Variants in LRCH1 observed in about 807,000 individuals in gnomAD.
The protein encoded by LRCH1 is leucine rich repeats and calponin homology domain containing 1.
In LRCH1, 23 loss-of-function variants were observed where a neutral mutation model predicts 94.9. The ratio of observed to expected loss-of-function variants is 0.24; its 90% CI spans 0.17 to 0.34. The LOEUF (loss-of-function observed/expected upper bound fraction) is 0.34, where lower values mean the gene tolerates loss of function less well. Ranked by LOEUF, LRCH1 falls within the 10% of genes least tolerant of loss-of-function variation. The pLI is 1.00. For synonymous variants in LRCH1, 364 were observed against 354.9 expected (o/e 1.03, Z -0.29); for missense variants, 790 against 945.9 (o/e 0.84, Z 2.16).
chr13:46,620,549 T>C (rs2138022496), intron 1 of LRCH1, among the ~76,000 whole-genome samples: 1 of 152,230 alleles, frequency 6.6e-6, no homozygotes, highest in East Asian at 1.9e-4. Flanking sequence ...AGGGAGAGTG[T>C]GTATTAATTA....
At chr13:46,696,613 C>G (rs842404) in intron 9 of LRCH1, among the ~76,000 whole-genome samples, 118,893 of 152,098 alleles carry the variant, frequency 0.78, 46,518 homozygotes, top group African/African-American at 0.84. Context: ...AGCAGATAGG[C>G]GTGTGGAAGT....
intron 1 of LRCH1, among the ~76,000 whole-genome samples, chr13:46,596,668 A>G (rs566727181): frequency 6.6e-6 from 1 of 152,182 alleles, no homozygotes; most frequent in African/African-American, 2.4e-5. Flanking sequence ...AGACAAAGGG[A>G]ATGATTTTCA....
chr13:46,660,034 C>CTTTTTTT (rs767544799), intron 2 of LRCH1, among the ~76,000 whole-genome samples: 2 of 103,646 alleles, frequency 1.9e-5, no homozygotes, highest in African/African-American at 3.6e-5. Flanking sequence ...TTAGGAGTCA[C>CTTTTTTT]TTTTTTTTTT....
exon 19 of LRCH1, chr13:46,750,724 TC>T (rs1421416143): frequency 6.0e-6 from 6 of 992,164 alleles, no homozygotes; most frequent in Non-Finnish European, 9.2e-6. Context: ...AGGCACCTGT[TC>T]AACCCTCTCT....
At chr13:46,748,079 G>A (rs1047184571), downstream of LRCH1, among the ~76,000 whole-genome samples, 10 of 152,118 alleles carry the variant, frequency 6.6e-5, no homozygotes. Context: ...TTTTTTTAAA[G>A]TGTTACTTAT....
At chr13:46,725,904 A>G (rs1872792212) in intron 17 of LRCH1, among the ~76,000 whole-genome samples, 2 of 152,188 alleles carry the variant, frequency 1.3e-5, no homozygotes, top group Admixed American at 1.3e-4. Context: ...ATATCTTACA[A>G]TTTTATCTTA....
chr13:46,669,933 G>A (rs1217790928), intron 3 of LRCH1, among the ~76,000 whole-genome samples: 1 of 152,198 alleles, frequency 6.6e-6, no homozygotes, highest in Non-Finnish European at 1.5e-5. Flanking sequence ...ATGATGAAAA[G>A]GGCACAGTAC....
rs1461075354 is a variant in LRCH1 at position 46,716,522 on chromosome 13, T to TATA, written c.1759+858_1759+859insATA. On this transcript the variant is annotated intron_variant, in intron 16 of 19. Transcript: ENST00000389797. ...GAATGTGATTTATAGGGAAGAGTAG[T>TATA]GAGGTACAGGGTATAGCCACAATGC... Among the ~76,000 whole-genome samples, 3 of 152,190 alleles carry TATA rather than the reference T, an allele frequency of 2.0e-5. No homozygotes were observed. The East Asian group carries it at 5.8e-4, about 29-fold the overall frequency.
intron 1 of LRCH1, among the ~76,000 whole-genome samples, chr13:46,621,469 G>A (rs9526206): frequency 0.078 from 11,823 of 152,192 alleles, 514 homozygotes; most frequent in African/African-American, 0.11. Context: ...ACAAGAAAAG[G>A]TTACTGAGCA....
intron 19 of LRCH1, among the ~76,000 whole-genome samples, chr13:46,735,749 A>G (rs1423962864): frequency 2.1e-5 from 3 of 143,600 alleles, no homozygotes; most frequent in African/African-American, 7.7e-5. Context: ...TTCTGGAATT[A>G]TGTTTAAGGC....
At chr13:46,686,467 G>C (rs1362791304) in intron 5 of LRCH1, among the ~76,000 whole-genome samples, 3 of 152,136 alleles carry the variant, frequency 2.0e-5, no homozygotes, top group African/African-American at 7.2e-5. Context: ...AGAGAAGTCA[G>C]ATCATTTCTT....
intron 1 of LRCH1, among the ~76,000 whole-genome samples, chr13:46,621,481 G>A (rs2050879031): frequency 6.6e-6 from 1 of 152,166 alleles, no homozygotes; most frequent in South Asian, 2.1e-4. Flanking sequence ...TACTGAGCAG[G>A]AGAGTGACAG....
At chr13:46,635,718 G>T (rs2051078678) in intron 1 of LRCH1, among the ~76,000 whole-genome samples, 1 of 151,848 alleles carries the variant, frequency 6.6e-6, no homozygotes, top group Non-Finnish European at 1.5e-5. Context: ...TGATCCACCT[G>T]CCTCGGCCTC....
intron 19 of LRCH1, among the ~76,000 whole-genome samples, chr13:46,740,696 CT>C (rs1566260906): frequency 6.6e-6 from 1 of 152,176 alleles, no homozygotes; most frequent in African/African-American, 2.4e-5. Context: ...TTATTTCTTG[CT>C]AATATATCAA....
intron 1 of LRCH1, among the ~76,000 whole-genome samples, chr13:46,574,326 T>C (rs939294429): frequency 6.6e-6 from 1 of 152,056 alleles, no homozygotes; most frequent in Non-Finnish European, 1.5e-5. Context: ...ATATACCTAC[T>C]ATGTACCCCC....
chr13:46,592,611 G>C lies in LRCH1; in HGVS notation c.307+38908G>C, dbSNP rs559634920. ...TTATCTGTAAAATGAGATTAAATTG[G>C]TAAAATATGTGAAGCACTTAAAAAG... On this transcript the variant is annotated intron_variant, in intron 1 of 19. Transcript: ENST00000389797. Among the ~76,000 whole-genome samples, 3 of 152,256 alleles carry C rather than the reference G, an allele frequency of 2.0e-5. No individual in the cohort carries two copies. The East Asian group carries it at 5.8e-4, about 29-fold the overall frequency.
At chr13:46,626,289 C>G (rs1181892642) in intron 1 of LRCH1, among the ~76,000 whole-genome samples, 1 of 151,990 alleles carries the variant, frequency 6.6e-6, no homozygotes. Context: ...TGTCAGACCC[C>G]GAGCCCAAGC....
At chr13:46,654,091 A>G (rs543241776) in intron 2 of LRCH1, among the ~76,000 whole-genome samples, 1 of 152,326 alleles carries the variant, frequency 6.6e-6, no homozygotes, top group South Asian at 2.1e-4. Flanking sequence ...TTACTTCCAA[A>G]TATGTAATTG....
At chr13:46,612,950 C>A (rs577955761) in intron 1 of LRCH1, among the ~76,000 whole-genome samples, 1 of 152,130 alleles carries the variant, frequency 6.6e-6, no homozygotes, top group Non-Finnish European at 1.5e-5. Flanking sequence ...GTATGTGTTC[C>A]CAGTTTAGCA....
Sources: gnomAD v4.1 joint callset for allele counts (sites outside exome capture counted in the v4.1 genomes callset) on GRCh38, gnomAD v4.1.1 for gene constraint, MANE v1.5 for transcripts, NCBI Gene and HGNC (gene_info 2026-07-23, HGNC 2026-07-21) for gene names.